The following DCAF5 variants were observed in gnomAD, a reference collection of about 807,000 sequenced individuals.
The protein encoded by DCAF5 is DDB1- and CUL4-associated factor 5.
DCAF5 carries 9 observed loss-of-function variants against 80.7 expected under a neutral mutation model. The ratio of observed to expected loss-of-function variants is 0.11; its 90% CI spans 0.07 to 0.19. The LOEUF (loss-of-function observed/expected upper bound fraction) is 0.19. DCAF5 is among the 10% of genes least tolerant of loss of function. The probability of loss-of-function intolerance (pLI) is 1.00; values close to 1 mark genes in which losing one functional copy is unlikely to be tolerated. For synonymous variants in DCAF5, 433 were observed against 461.9 expected (o/e 0.94, Z 0.80); for missense variants, 842 against 1,205.7 (o/e 0.70, Z 4.47).
chr14:69,083,917 G>T (rs535788971), intron 6 of DCAF5: 42 of 779,058 alleles, frequency 5.4e-5, no homozygotes, highest in South Asian at 5.2e-4. Flanking sequence ...TACTTCATTT[G>T]CTTCTTATGT....
At chr14:69,105,944 T>TATATATATATATATATATATATATATAAA (rs35270301) in intron 5 of DCAF5, among the ~76,000 whole-genome samples, 4 of 85,174 alleles carry the variant, frequency 4.7e-5, no homozygotes, top group Non-Finnish European at 9.2e-5. Context: ...TATATATATA[T>TATATATATATATATATATATATATATAAA]ATCTCCTATT....
chr14:69,146,147 C>A (rs1484816189), intron 1 of DCAF5, among the ~76,000 whole-genome samples: 4 of 152,194 alleles, frequency 2.6e-5, no homozygotes, highest in Middle Eastern at 3.2e-3. Context: ...AAATACATAA[C>A]TGAGGACTCT....
chr14:69,071,872 A>G (rs980306647), intron 7 of DCAF5, among the ~76,000 whole-genome samples: 53 of 152,358 alleles, frequency 3.5e-4, no homozygotes, highest in Non-Finnish European at 6.0e-4. Context: ...ACATATAAAA[A>G]TGAGAGGTAC....
chr14:69,053,666 G>T lies in DCAF5; in HGVS notation c.*191C>A. ...TTTCCCCTTTCTTAACACAGCACAA[G>T]CCAATGGCCAGCTAGACATTCAGAC... On this transcript the variant is annotated 3_prime_UTR_variant, in exon 9 of 9. Coordinates refer to ENST00000341516, the MANE Select transcript of DCAF5 (RefSeq NM_003861.3). The T allele has an allele frequency of 1.7e-6, 1 of 587,974 alleles. No homozygotes were observed. Among genetic ancestry groups the T allele is most frequent in the Non-Finnish European group, 2.9e-6 (1 of 344,538 alleles). 36.4% of individuals were successfully genotyped at this position (587,974 alleles called of 1,614,324 possible).
intron 5 of DCAF5, among the ~76,000 whole-genome samples, chr14:69,101,554 G>A (rs895561560): frequency 6.6e-6 from 1 of 152,158 alleles, no homozygotes; most frequent in Non-Finnish European, 1.5e-5. Flanking sequence ...GAGAGTCAAA[G>A]GTTGACTCAA....
chr14:69,136,151 T>C (rs564036771), intron 1 of DCAF5, among the ~76,000 whole-genome samples: 2 of 148,560 alleles, frequency 1.3e-5, no homozygotes, highest in South Asian at 4.3e-4. Context: ...GGTCCTACTC[T>C]GTCACCCAGG....
intron 1 of DCAF5, among the ~76,000 whole-genome samples, chr14:69,124,049 C>T (rs562719236): frequency 6.6e-6 from 1 of 152,272 alleles, no homozygotes; most frequent in South Asian, 2.1e-4. Flanking sequence ...ACTCTAGGAA[C>T]CTCGTATAAG....
chr14:69,058,971 C>T (rs1302504821), intron 8 of DCAF5, among the ~76,000 whole-genome samples: 1 of 151,892 alleles, frequency 6.6e-6, no homozygotes, highest in African/African-American at 2.4e-5. Flanking sequence ...TCTCCATGCA[C>T]AGTGAAGTTT....
At chr14:69,088,333 T>C (rs2039416775) in intron 6 of DCAF5, among the ~76,000 whole-genome samples, 1 of 152,202 alleles carries the variant, frequency 6.6e-6, no homozygotes, top group Non-Finnish European at 1.5e-5. Flanking sequence ...TTTACTCATC[T>C]GTGAAAGAAA....
intron 7 of DCAF5, among the ~76,000 whole-genome samples, chr14:69,071,309 C>A (rs2038682862): frequency 6.6e-6 from 1 of 151,240 alleles, no homozygotes; most frequent in Non-Finnish European, 1.5e-5. Context: ...GTTTGTATAG[C>A]AAAAAAAACA....
chr14:69,136,885 TTAAG>T (rs1371811513), intron 1 of DCAF5, among the ~76,000 whole-genome samples: 3 of 152,158 alleles, frequency 2.0e-5, no homozygotes, highest in Admixed American at 1.3e-4. Flanking sequence ...TGAAAAAATA[TTAAG>T]TTTTAAAATA....
intron 8 of DCAF5, among the ~76,000 whole-genome samples, chr14:69,060,740 C>T (rs2038179689): frequency 6.6e-6 from 1 of 152,104 alleles, no homozygotes; most frequent in Non-Finnish European, 1.5e-5. Context: ...CCATTTGGGC[C>T]AGGCTGGTCT....
intron 8 of DCAF5, among the ~76,000 whole-genome samples, chr14:69,059,250 A>G (rs2038106865): frequency 6.6e-6 from 1 of 152,046 alleles, no homozygotes; most frequent in South Asian, 2.1e-4. Flanking sequence ...ATGCCTGGCT[A>G]ATTTTTAAAT....
chr14:69,118,292 G>C lies in DCAF5; in HGVS notation c.396-14C>G, dbSNP rs778457257. On this transcript the variant is annotated splice_polypyrimidine_tract_variant and intron_variant, in intron 3 of 8. Coordinates refer to ENST00000341516, the MANE Select transcript of DCAF5 (RefSeq NM_003861.3). This position sits in a 1 kb window ranked among gnomAD's most constrained non-coding sequence, Gnocchi z 4.0. ...AATGTCTCACTGCTGGGAGATAAGA[G>C]AGCAAGACAGAGGCACACACATACA... is the stretch of plus-strand genomic sequence containing the variant. 11 of 1,613,128 alleles carry C rather than the reference G, an allele frequency of 6.8e-6. No individual in the cohort carries two copies. In the East Asian group the frequency reaches 1.8e-4, roughly 26 times the overall value.
At chr14:69,147,121 C>G (rs1428090570) in intron 1 of DCAF5, among the ~76,000 whole-genome samples, 1 of 152,110 alleles carries the variant, frequency 6.6e-6, no homozygotes, top group South Asian at 2.1e-4. Flanking sequence ...CAGGAAATGA[C>G]CATTAATTAA....
chr14:69,133,217 G>C (rs980284039), intron 1 of DCAF5, among the ~76,000 whole-genome samples: 1 of 152,144 alleles, frequency 6.6e-6, no homozygotes, highest in African/African-American at 2.4e-5. Flanking sequence ...GCTACCAAGA[G>C]TCATTGTTGG....
At chr14:69,129,084 T>C (rs2040961721) in intron 1 of DCAF5, among the ~76,000 whole-genome samples, 1 of 152,238 alleles carries the variant, frequency 6.6e-6, no homozygotes, top group African/African-American at 2.4e-5. Flanking sequence ...ATTTATAGGA[T>C]GATTTCATTT....
chr14:69,075,931 C>T (rs576454366), intron 6 of DCAF5, among the ~76,000 whole-genome samples: 1 of 152,136 alleles, frequency 6.6e-6, no homozygotes, highest in East Asian at 1.9e-4. Flanking sequence ...TAAAACTCAG[C>T]AACGACAACA....
Position 69,053,852 on chromosome 14 carries a change from A to G in DCAF5, c.*5T>C, listed in dbSNP as rs773706463. 1 of 1,539,094 alleles carries G rather than the reference A, an allele frequency of 6.5e-7. No individual in the cohort carries two copies. Among genetic ancestry groups the G allele is most frequent in the Admixed American group, 2.0e-5 (1 of 50,366 alleles). ...TTGTAGCTTTTTGTTTTCCCTTTGT[A>G]TTTATCATGTTTTTAATTTCTTCTC... On this transcript the variant is annotated 3_prime_UTR_variant, in exon 9 of 9. Coordinates refer to ENST00000341516, the MANE Select transcript of DCAF5 (RefSeq NM_003861.3).
Sources: allele counts gnomAD v4.1 joint callset (sites outside exome capture counted in the v4.1 genomes callset), GRCh38; gene constraint gnomAD v4.1.1; non-coding constraint Gnocchi (gnomAD v3.1); transcripts MANE v1.5; gene names NCBI Gene and HGNC (gene_info 2026-07-23, HGNC 2026-07-21).